PAPPA2: variants seen among roughly 807,000 people sequenced by gnomAD.
PAPPA2 encodes pappalysin-2.
In PAPPA2, 86 loss-of-function variants were observed where a neutral mutation model predicts 176.4. The ratio of observed to expected loss-of-function variants is 0.49; its 90% CI spans 0.41 to 0.58. The LOEUF is 0.58. Ranked by LOEUF, PAPPA2 falls within the 20% of genes least tolerant of loss-of-function variation. The probability of loss-of-function intolerance (pLI) is 0.00; values close to 1 mark genes in which losing one functional copy is unlikely to be tolerated. For missense variants in PAPPA2, 2,073 were observed against 2,256.9 expected (o/e 0.92, Z 1.65); for synonymous variants, 809 against 852.2 (o/e 0.95, Z 0.88).
chr1:176,482,075 G>A (rs1286776886), intron 1 of PAPPA2, among the ~76,000 whole-genome samples: 1 of 152,148 alleles, frequency 6.6e-6, no homozygotes, highest in African/African-American at 2.4e-5. Flanking sequence ...AAAACAAAGA[G>A]TTTTTCTAAT....
intron 1 of PAPPA2, among the ~76,000 whole-genome samples, chr1:176,511,541 TTAAC>T (rs1648597785): frequency 6.6e-6 from 1 of 152,192 alleles, no homozygotes; most frequent in African/African-American, 2.4e-5. Flanking sequence ...ATGTGTCAGT[TTAAC>T]TAGGCAAACG....
chr1:176,812,221 T>TGG (rs5778913), intron 21 of PAPPA2, among the ~76,000 whole-genome samples: 1 of 150,790 alleles, frequency 6.6e-6, no homozygotes, highest in Non-Finnish European at 1.5e-5. Flanking sequence ...CTTTTTTTTT[T>TGG]GGGGGGAGGG....
chr1:176,784,273 C>A (rs1247341410), intron 17 of PAPPA2, among the ~76,000 whole-genome samples: 1 of 152,166 alleles, frequency 6.6e-6, no homozygotes, highest in Non-Finnish European at 1.5e-5. Context: ...TTCATGACTT[C>A]AAGGAGTCGT....
At chr1:176,828,153 C>A (rs1666929181) in intron 21 of PAPPA2, among the ~76,000 whole-genome samples, 1 of 152,144 alleles carries the variant, frequency 6.6e-6, no homozygotes, top group South Asian at 2.1e-4. Context: ...TCGTCAGACA[C>A]ATTCCCTATC....
intron 1 of PAPPA2, among the ~76,000 whole-genome samples, chr1:176,552,412 T>G (rs1651019724): frequency 7.2e-6 from 1 of 138,480 alleles, no homozygotes; most frequent in African/African-American, 2.7e-5. Context: ...CCCTTACCCC[T>G]GCCTGTCCTT....
chr1:176,816,188 A>G (rs1216236280), intron 21 of PAPPA2, among the ~76,000 whole-genome samples: 5 of 126,398 alleles, frequency 4.0e-5, no homozygotes, highest in African/African-American at 1.5e-4. Context: ...ATATATATAT[A>G]TATATATATG....
intron 20 of PAPPA2, among the ~76,000 whole-genome samples, chr1:176,794,235 C>CTTTT (rs1665322317): frequency 6.6e-6 from 1 of 152,140 alleles, no homozygotes; most frequent in Non-Finnish European, 1.5e-5. Flanking sequence ...TAGCAACTGA[C>CTTTT]ATAAAAGGAA....
At chr1:176,827,182 C>A (rs527453992) in intron 21 of PAPPA2, among the ~76,000 whole-genome samples, 1 of 152,174 alleles carries the variant, frequency 6.6e-6, no homozygotes, top group Non-Finnish European at 1.5e-5. Context: ...TCAACTCCTA[C>A]TTGGTCCTGG....
intron 12 of PAPPA2, among the ~76,000 whole-genome samples, chr1:176,726,722 T>G (rs1467752400): frequency 2.6e-5 from 4 of 152,188 alleles, no homozygotes; most frequent in Non-Finnish European, 2.9e-5. Flanking sequence ...GTGATTATCT[T>G]TGTTTGTGGC....
chr1:176,748,051 T>C (rs1177228561), intron 14 of PAPPA2, among the ~76,000 whole-genome samples: 1 of 152,240 alleles, frequency 6.6e-6, no homozygotes, highest in Non-Finnish European at 1.5e-5. Context: ...TCACAAGTGT[T>C]ACAGCTTGTC....
At chr1:176,580,356 C>T (rs1652891173) in intron 2 of PAPPA2, among the ~76,000 whole-genome samples, 1 of 152,120 alleles carries the variant, frequency 6.6e-6, no homozygotes. Context: ...TTTTTTATGG[C>T]TGAATAATAT....
At chr1:176,590,753 G>T (rs1438649336) in intron 2 of PAPPA2, among the ~76,000 whole-genome samples, 1 of 152,156 alleles carries the variant, frequency 6.6e-6, no homozygotes, top group African/African-American at 2.4e-5. Flanking sequence ...GTAAGTGGTA[G>T]ATTGTAGAAT....
chr1:176,566,124 A>G (rs1651963852), intron 2 of PAPPA2, among the ~76,000 whole-genome samples: 1 of 152,204 alleles, frequency 6.6e-6, no homozygotes, highest in Non-Finnish European at 1.5e-5. Flanking sequence ...GATGAAGCTC[A>G]CATAGCTCAC....
At position 176,500,706 on chromosome 1, in the gene PAPPA2, A is replaced by C. The variant is rs548272356; in HGVS notation, c.-917+37288A>C. Among the ~76,000 whole-genome samples the C allele has an allele frequency of 7.2e-5, 11 of 151,910 alleles. No homozygotes were observed. In the South Asian group the frequency reaches 2.3e-3, roughly 31 times the overall value. On this transcript the variant is annotated intron_variant, in intron 1 of 22. Coordinates refer to ENST00000367662, the MANE Select transcript of PAPPA2 (RefSeq NM_020318.3). ...TTAGAGGTACATTCTGCAGTCGTGC[A>C]ATAAGTCAAATACAACCAGTTCCTA...
chr1:176,528,041 C>G (rs1649592078), intron 1 of PAPPA2, among the ~76,000 whole-genome samples: 1 of 152,220 alleles, frequency 6.6e-6, no homozygotes, highest in Non-Finnish European at 1.5e-5. Flanking sequence ...TAAACCATGA[C>G]AGTTGGCCAC....
intron 2 of PAPPA2, among the ~76,000 whole-genome samples, chr1:176,572,633 A>G (rs80014179): frequency 0.033 from 4,963 of 152,310 alleles, 145 homozygotes; most frequent in South Asian, 0.17. Flanking sequence ...ACAAAAACAA[A>G]AAACAAAAAA....
chr1:176,618,303 ATG>A (rs1316820202), intron 3 of PAPPA2, among the ~76,000 whole-genome samples: 1 of 152,174 alleles, frequency 6.6e-6, no homozygotes, highest in Non-Finnish European at 1.5e-5. Flanking sequence ...GTTTTCCCAG[ATG>A]TGCCACCTAA....
At chr1:176,563,344 C>T (rs1651779266) in intron 2 of PAPPA2, among the ~76,000 whole-genome samples, 1 of 152,126 alleles carries the variant, frequency 6.6e-6, no homozygotes, top group Admixed American at 6.5e-5. Flanking sequence ...AGGAGCATCC[C>T]CTCCCTTACC....
At chr1:176,799,910 GA>G in intron 20 of PAPPA2, 150 bp from the exon 21 acceptor site, 1 of 724,846 alleles carries the variant, frequency 1.4e-6, no homozygotes, top group South Asian at 1.8e-5. Flanking sequence ...GGAAAGGCTA[GA>G]TAGCCCCAAT....
Sources: gnomAD v4.1 joint callset for allele counts (sites outside exome capture counted in the v4.1 genomes callset) on GRCh38, gnomAD v4.1.1 for gene constraint, MANE v1.5 for transcripts, NCBI Gene and HGNC (gene_info 2026-07-23, HGNC 2026-07-21) for gene names.